Variants in DNAJC13 observed in about 807,000 individuals in gnomAD.
The protein encoded by DNAJC13 is DnaJ heat shock protein family (Hsp40) member C13, also known as dnaJ homolog subfamily C member 13.
Under a neutral mutation model 290.5 loss-of-function variants are expected in DNAJC13, and 75 were observed. That is an observed-to-expected ratio of 0.26 (90% CI 0.21 to 0.31). DNAJC13 has a LOEUF of 0.31. Among genes scored for constraint, DNAJC13 ranks in the 10% least tolerant of loss-of-function variants. DNAJC13 has a pLI of 1.00. For missense variants in DNAJC13, 2,260 were observed against 2,674.5 expected, an observed-to-expected ratio of 0.85 and a Z score of 3.42; for synonymous variants, 862 against 892.0, an observed-to-expected ratio of 0.97 and a Z score of 0.60.
At position 132,528,169 on chromosome 3, in the gene DNAJC13, A is replaced by G. The variant is rs748901868; in HGVS notation, c.6382-20A>G. ...TTGCATTTTTTCTGTGTGTTTATAT[A>G]TGCTTAATATTTCTTCTAGGCCCTG... On this transcript the variant is annotated intron_variant, in intron 53 of 55. Transcript: ENST00000260818. 7 of 1,613,084 alleles carry G rather than the reference A, an allele frequency of 4.3e-6. No homozygotes were observed. The Admixed American group carries it at 5.0e-5, about 12-fold the overall frequency.
At chr3:132,466,485 A>C in intron 19 of DNAJC13, 91 bp downstream of exon 19, 1 of 1,089,666 alleles carries the variant, frequency 9.2e-7, no homozygotes, top group Non-Finnish European at 1.3e-6. Context: ...AAATTTTAGA[A>C]ACAAAGAATT....
At chr3:132,456,442 A>G in intron 10 of DNAJC13, 41 bp downstream of exon 10, 1 of 1,609,518 alleles carries the variant, frequency 6.2e-7, no homozygotes, top group African/African-American at 1.3e-5. Context: ...CCACTCATCT[A>G]CTTAATTTAA....
chr3:132,523,654 G>A lies in DNAJC13; in HGVS notation c.6001G>A (p.Glu2001Lys). ...AGCCTGGGTTCTAAGAAAGCCTAGA[G>A]AATTTCTTATTGCCCTGTTAGAAAA... is the stretch of plus-strand genomic sequence containing the variant. Reference protein sequence around the residue: ...QPAWVLRKPREFLIALLEKLT... With the variant: ...QPAWVLRKPRKFLIALLEKLT... Residue 2001 changes from glutamate to lysine, a missense_variant, in exon 51 of 56, where the codon GAA becomes AAA. Glu to Lys is a moderately conservative substitution (Grantham distance 56). Coordinates refer to ENST00000260818, the MANE Select transcript of DNAJC13 (RefSeq NM_015268.4). 6.2e-7 allele frequency: 1 copy of A among 1,614,046 alleles called. No individual in the cohort carries two copies. Among genetic ancestry groups the A allele is most frequent in the Non-Finnish European group, 8.5e-7 (1 of 1,179,964 alleles).
At chr3:132,442,139 A>AC (rs1222792768) in intron 2 of DNAJC13, among the ~76,000 whole-genome samples, 1 of 151,886 alleles carries the variant, frequency 6.6e-6, no homozygotes, top group East Asian at 1.9e-4. Flanking sequence ...TAAAAAAAAA[A>AC]AAAACATGTT....
At chr3:132,476,739 T>G (rs773124877) in intron 22 of DNAJC13, among the ~76,000 whole-genome samples, 18 of 152,344 alleles carry the variant, frequency 1.2e-4, no homozygotes, top group Admixed American at 3.3e-4. Flanking sequence ...CAAGGTCGTC[T>G]TCTTTGGTGT....
intron 17 of DNAJC13, among the ~76,000 whole-genome samples, chr3:132,465,389 G>T (rs772851052): frequency 3.0e-4 from 45 of 151,992 alleles, no homozygotes; most frequent in Non-Finnish European, 4.0e-4. Context: ...TGTTGAATGG[G>T]GATTAAAATT....
intron 45 of DNAJC13, among the ~76,000 whole-genome samples, chr3:132,514,084 A>G (rs1370494512): frequency 1.3e-5 from 2 of 152,156 alleles, no homozygotes; most frequent in African/African-American, 4.8e-5. Flanking sequence ...ACGTCATTAA[A>G]TGTAGGATAT....
At chr3:132,529,646 G>A (rs1936356388) in intron 54 of DNAJC13, among the ~76,000 whole-genome samples, 1 of 152,072 alleles carries the variant, frequency 6.6e-6, no homozygotes, top group Non-Finnish European at 1.5e-5. Context: ...AATTAGCCAG[G>A]CGTGGTGGCA....
At chr3:132,514,099 C>G (rs1935852405) in intron 45 of DNAJC13, among the ~76,000 whole-genome samples, 1 of 152,110 alleles carries the variant, frequency 6.6e-6, no homozygotes. Context: ...GGATATGTTG[C>G]ACTGAGACGC....
At chr3:132,437,369 G>T (rs1185386741) in intron 2 of DNAJC13, among the ~76,000 whole-genome samples, 1 of 152,094 alleles carries the variant, frequency 6.6e-6, no homozygotes, top group Non-Finnish European at 1.5e-5. Context: ...TTTATCAATT[G>T]TTTCTTTTGC....
chr3:132,465,521 G>T (rs1427044111), intron 17 of DNAJC13, among the ~76,000 whole-genome samples: 1 of 152,098 alleles, frequency 6.6e-6, no homozygotes, highest in Admixed American at 6.5e-5. Context: ...TTAGGTCTTT[G>T]CCCAAACTCT....
intron 27 of DNAJC13, among the ~76,000 whole-genome samples, chr3:132,482,979 A>G (rs1176005687): frequency 1.3e-5 from 2 of 152,202 alleles, no homozygotes; most frequent in East Asian, 3.8e-4. Flanking sequence ...ATTCAGTCCA[A>G]GAGCTAAGGA....
intron 1 of DNAJC13, among the ~76,000 whole-genome samples, chr3:132,423,908 AT>A (rs1422884878): frequency 6.6e-6 from 1 of 152,204 alleles, no homozygotes; most frequent in African/African-American, 2.4e-5. Context: ...GCTGCTAAAA[AT>A]TTCTTTTGCC....
rs771209126 is a variant in DNAJC13 at position 132,480,489 on chromosome 3, G to C, written c.2874+19G>C. ...ACTGCAAGTACGTATCCTTGTTTAC[G>C]TTTTACAAATTTAACGTTCTTTGAG... On this transcript the variant is annotated intron_variant, in intron 26 of 55. Coordinates refer to ENST00000260818, the MANE Select transcript of DNAJC13 (RefSeq NM_015268.4). 1 of 1,554,960 alleles carries C rather than the reference G, an allele frequency of 6.4e-7. No homozygotes were observed. Among genetic ancestry groups the C allele is most frequent in the Non-Finnish European group, 8.8e-7 (1 of 1,135,670 alleles).
chr3:132,441,844 A>G (rs1400165762), intron 2 of DNAJC13, among the ~76,000 whole-genome samples: 1 of 152,120 alleles, frequency 6.6e-6, no homozygotes, highest in Admixed American at 6.5e-5. Flanking sequence ...ATTACTTTGA[A>G]GTTTATTTCA....
At chr3:132,511,018 T>G (rs764279700) in intron 43 of DNAJC13, 49 bp from the exon 44 acceptor site, 1 of 1,586,800 alleles carries the variant, frequency 6.3e-7, no homozygotes, top group Admixed American at 1.8e-5. Context: ...GCTATGGAGT[T>G]ATTTCTTAGG....
chr3:132,494,291 T>G, intron 34 of DNAJC13, 32 bp downstream of exon 34: 7 of 1,480,798 alleles, frequency 4.7e-6, no homozygotes, highest in South Asian at 1.1e-5. Flanking sequence ...AGCAAATGTC[T>G]GTCCCACCTT....
chr3:132,528,971 T>A (rs1179516331), intron 54 of DNAJC13, among the ~76,000 whole-genome samples: 1 of 152,108 alleles, frequency 6.6e-6, no homozygotes, highest in Non-Finnish European at 1.5e-5. Flanking sequence ...TGACGTGAAA[T>A]TTACATAGCA....
At chr3:132,440,893 A>G (rs1375476435) in intron 2 of DNAJC13, among the ~76,000 whole-genome samples, 1 of 152,342 alleles carries the variant, frequency 6.6e-6, no homozygotes. Flanking sequence ...AGTCCAGGCA[A>G]TGTGGCTCGA....
Sources: gnomAD v4.1 joint callset for allele counts (sites outside exome capture counted in the v4.1 genomes callset) on GRCh38, gnomAD v4.1.1 for gene constraint, MANE v1.5 for transcripts, NCBI Gene and HGNC (gene_info 2026-07-23, HGNC 2026-07-21) for gene names.